PLPP5: variants seen among roughly 807,000 people sequenced by gnomAD.
The protein encoded by PLPP5 is phospholipid phosphatase 5.
A neutral mutation model predicts 23.6 loss-of-function variants in PLPP5; 29 were observed. That is an observed-to-expected ratio of 1.23 (90% CI 0.92 to 1.68). The LOEUF (loss-of-function observed/expected upper bound fraction) is 1.68. PLPP5 is among the 40% of genes most tolerant of loss of function. The pLI is 0.00. For missense variants in PLPP5, 315 were observed against 332.1 expected (o/e 0.95, Z 0.40); for synonymous variants, 143 against 131.3 (o/e 1.09, Z -0.61).
Position 38,268,481 on chromosome 8 carries a change from G to T in PLPP5, c.184-20C>A. The stretch of plus-strand genomic sequence containing the variant: ...AATAACCTGAATCAGAATGTCAGAG[G>T]TTAAAAACAATCCAAAAAAAAGCCA... On this transcript the variant is annotated intron_variant, in intron 2 of 6. Transcript: ENST00000424479. 1.3e-6 allele frequency: 2 copies of T among 1,554,848 alleles called. No homozygotes were observed. The highest frequency in any genetic ancestry group is 8.7e-7 in the Non-Finnish European group (1 of 1,149,012).
Position 38,269,106 on chromosome 8 carries a change from C to G in PLPP5, c.74+20G>C. 6.6e-7 allele frequency: 1 copy of G among 1,525,156 alleles called. No homozygotes were observed. The allele number at this position is 1,525,156 out of a possible 1,614,324, so 94.5% of individuals were successfully genotyped here. A position where few individuals can be genotyped will look rare whatever the true frequency, so the allele number is the denominator to read the frequency against. ...CCTGGGAAGCGGGGCCGCCCGGGCC[C>G]GGCCGTGGATCTTTCTTACAGGAAG... On this transcript the variant is annotated intron_variant, in intron 1 of 6. Transcript: ENST00000424479.
At chr8:38,267,993 G>A (rs747197910) in intron 3 of PLPP5, 33 bp from the exon 4 acceptor site, 3 of 1,613,936 alleles carry the variant, frequency 1.9e-6, no homozygotes, top group Non-Finnish European at 2.5e-6. Context: ...GAAAGGATCT[G>A]TCTAGGAGGA....
At chr8:38,268,203 C>G in intron 3 of PLPP5, 168 bp downstream of exon 3, 1 of 1,083,470 alleles carries the variant, frequency 9.2e-7, no homozygotes, top group Non-Finnish European at 1.3e-6. Flanking sequence ...TGCCGTGTAG[C>G]CTGCGTAACC....
At position 38,268,999 on chromosome 8, in the gene PLPP5, G is replaced by A. The variant is rs1217679032; in HGVS notation, c.75-9C>T. 2.5e-6 allele frequency: 4 copies of A among 1,573,768 alleles called. No homozygotes were observed. Among genetic ancestry groups the A allele is most frequent in the Non-Finnish European group, 3.4e-6 (4 of 1,164,422 alleles). Reference sequence around the variant, plus strand: ...GGAGCAGCTCCGTCACCCTAGAGGGGAACAAAGAAGCGCAGAGCAGGTCGC... The same window carrying A: ...GGAGCAGCTCCGTCACCCTAGAGGGAAACAAAGAAGCGCAGAGCAGGTCGC... On this transcript the variant is annotated splice_polypyrimidine_tract_variant and intron_variant, in intron 1 of 6. Transcript: ENST00000424479.
At chr8:38,268,494 CA>C (rs548817461) in intron 2 of PLPP5, 33 bp from the exon 3 acceptor site, 18 of 1,544,906 alleles carry the variant, frequency 1.2e-5, no homozygotes, top group East Asian at 2.4e-5. Flanking sequence ...AAAAACAATC[CA>C]AAAAAAAGCC....
intron 6 of PLPP5, 101 bp downstream of exon 6, chr8:38,266,036 ATTTG>A (rs1472957676): frequency 9.6e-7 from 1 of 1,042,968 alleles, no homozygotes; most frequent in Non-Finnish European, 1.4e-6. Context: ...ATACTCATTA[ATTTG>A]TTCATTCAGC....
At position 38,264,457 on chromosome 8, in the gene PLPP5, CAAT is replaced by C. The variant is rs1451328836; in HGVS notation, c.779_781del (p.Tyr260del). 6.5e-7 allele frequency: 1 copy of C among 1,547,784 alleles called. No homozygotes were observed. The highest frequency in any genetic ancestry group is 8.7e-7 in the Non-Finnish European group (1 of 1,146,030). On this transcript the variant is annotated inframe_deletion, in exon 7 of 7. Transcript: ENST00000424479. ...CAGATTCAATTTTTAAATATCAAAA[CAAT>C]AAGAATCCCCAGGCTTCTGTGCAGT...
intron 3 of PLPP5, 36 bp from the exon 4 acceptor site, chr8:38,267,996 T>C: frequency 6.2e-7 from 1 of 1,613,918 alleles, no homozygotes; most frequent in Non-Finnish European, 8.5e-7. Flanking sequence ...AGGATCTGTC[T>C]AGGAGGAAAG....
chr8:38,263,297 C>A lies in PLPP5; in HGVS notation c.*1147G>T. The A allele has an allele frequency of 1.3e-6, 1 of 741,170 alleles. No individual in the cohort carries two copies. Among genetic ancestry groups the A allele is most frequent in the Non-Finnish European group, 1.6e-6 (1 of 607,262 alleles). The allele number at this position is 741,170 out of a possible 1,614,324, so 45.9% of individuals were successfully genotyped here. ...ACATCCCATAATTGTTCCTTATATT[C>A]CATTGTGAAGAAGGGGCAGAAAAAG... On this transcript the variant is annotated 3_prime_UTR_variant, in exon 7 of 7. Transcript: ENST00000424479.
chr8:38,264,736 T>A, intron 6 of PLPP5, 132 bp from the exon 7 acceptor site: 2 of 1,445,446 alleles, frequency 1.4e-6, no homozygotes, highest in Non-Finnish European at 9.1e-7. Context: ...TCCAGACTTA[T>A]GATTTCTAAA....
intron 6 of PLPP5, chr8:38,265,670 C>T (rs7007097): frequency 0.2 from 29,765 of 152,282 alleles, 3,192 homozygotes; most frequent in East Asian, 0.31. Context: ...ACAGGTGATC[C>T]GCCTGCCTCA....
chr8:38,266,245 TGTG>T lies in PLPP5; in HGVS notation c.527_529del (p.Pro176del), dbSNP rs1807565739. 3 of 1,613,714 alleles carry T rather than the reference TGTG, an allele frequency of 1.9e-6. No homozygotes were observed. Among genetic ancestry groups the T allele is most frequent in the African/African-American group, 2.7e-5 (2 of 74,934 alleles). On this transcript the variant is annotated inframe_deletion, in exon 6 of 7. Coordinates refer to ENST00000424479, the MANE Select transcript of PLPP5 (RefSeq NM_001102559.2). ...GAACCTCCAAGATTTCCCACGGCCT[TGTG>T]GTGTGAAGCAGTGTAACTTCCCTGC...
Position 38,268,445 on chromosome 8 carries a change from G to A in PLPP5, c.200C>T (p.Ser67Phe). The A allele has an allele frequency of 6.4e-7, 1 of 1,573,848 alleles. No individual in the cohort carries two copies. Among genetic ancestry groups the A allele is most frequent in the Non-Finnish European group, 8.6e-7 (1 of 1,159,304 alleles). ...GGCCAGGAAGATCAGAGACAGTGGA[G>A]AGAGAAATGCAATAACCTGAATCAG... ...TKPMFVIAFL[S>F]PLSLIFLAKF... The change falls in exon 3 of 7, where the codon TCT (serine) becomes TTT (phenylalanine). Residue 67 changes from serine (S) to phenylalanine (F), a missense_variant. By Grantham distance (155) the Ser-to-Phe change is radical. Transcript: ENST00000424479.
chr8:38,267,485 T>A, intron 4 of PLPP5, 94 bp from the exon 5 acceptor site: 2 of 1,437,374 alleles, frequency 1.4e-6, no homozygotes, highest in Non-Finnish European at 1.9e-6. Flanking sequence ...TAACTATTGG[T>A]CAAATAGTGC....
Position 38,264,479 on chromosome 8 carries a change from G to T in PLPP5, c.760C>A (p.Gln254Lys). The change falls in exon 7 of 7, where the codon CAG becomes AAG. Residue 254 changes from glutamine to lysine, a missense_variant. Gln to Lys is a moderately conservative substitution (Grantham distance 53). Transcript: ENST00000424479. ...AAACAATAAGAATCCCCAGGCTTCT[G>T]TGCAGTGGAAAGTACAAGTTTGTCT... Reference protein sequence around the residue: ...FQDKLVLSTAQKPGDSYCFDI With the variant: ...FQDKLVLSTAKKPGDSYCFDI The T allele has an allele frequency of 6.4e-7, 1 of 1,552,290 alleles. No individual in the cohort carries two copies. Among genetic ancestry groups the T allele is most frequent in the Non-Finnish European group, 8.7e-7 (1 of 1,147,352 alleles).
At chr8:38,267,991 C>A (rs1807938377) in intron 3 of PLPP5, 31 bp from the exon 4 acceptor site, 1 of 1,613,792 alleles carries the variant, frequency 6.2e-7, no homozygotes. Context: ...TTGAAAGGAT[C>A]TGTCTAGGAG....
chr8:38,267,974 C>T lies in PLPP5; in HGVS notation c.275-14G>A. 2 of 1,613,880 alleles carry T rather than the reference C, an allele frequency of 1.2e-6. No homozygotes were observed. The highest frequency in any genetic ancestry group is 1.7e-6 in the Non-Finnish European group (2 of 1,179,864). ...CAAGGCTGGCAGCTGCAAAGCAAAG[C>T]CATTAGTTGAAAGGATCTGTCTAGG... On this transcript the variant is annotated splice_polypyrimidine_tract_variant and intron_variant, in intron 3 of 6. Coordinates refer to ENST00000424479, the MANE Select transcript of PLPP5 (RefSeq NM_001102559.2).
chr8:38,263,406 T>C lies in PLPP5; in HGVS notation c.*1038A>G, dbSNP rs1807189599. On this transcript the variant is annotated 3_prime_UTR_variant, in exon 7 of 7. Transcript: ENST00000424479. ...GGCAGTGTTGGTGCATTTGAGCAGA[T>C]CTTCAGTCATGAATGGAAGGAAAGA... 8.1e-6 allele frequency: 8 copies of C among 985,450 alleles called. No homozygotes were observed. Among genetic ancestry groups the C allele is most frequent in the Non-Finnish European group, 9.6e-6 (8 of 829,924 alleles). The allele number at this position is 985,450 out of a possible 1,614,324, so 61.0% of individuals were successfully genotyped here. A position where few individuals can be genotyped will look rare whatever the true frequency, so the allele number is the denominator to read the frequency against.
intron 5 of PLPP5, chr8:38,267,050 G>A: frequency 2.1e-6 from 3 of 1,420,178 alleles, no homozygotes; most frequent in South Asian, 1.6e-5. Flanking sequence ...ACAATTAAAT[G>A]TGCAAATCTC....
Sources: gnomAD v4.1 joint callset for allele counts on GRCh38, gnomAD v4.1.1 for gene constraint, MANE v1.5 for transcripts, NCBI Gene and HGNC (gene_info 2026-07-23, HGNC 2026-07-21) for gene names.